Variants in SCUBE3 observed in about 807,000 individuals in gnomAD.
SCUBE3 encodes the protein signal peptide, CUB domain and EGF like domain containing 3.
Under a neutral mutation model 116.8 loss-of-function variants are expected in SCUBE3, and 33 were observed. That is an observed-to-expected ratio of 0.28 (90% CI 0.21 to 0.38). The LOEUF is 0.38. Ranked by LOEUF, SCUBE3 falls within the 10% of genes least tolerant of loss-of-function variation. SCUBE3 has a pLI of 1.00. For synonymous variants in SCUBE3, 418 were observed against 496.9 expected, an observed-to-expected ratio of 0.84 and a Z score of 2.11; for missense variants, 1,007 against 1,324.8, an observed-to-expected ratio of 0.76 and a Z score of 3.72.
rs1049831216 is a variant in SCUBE3 at position 35,240,519 on chromosome 6, AC to A, written c.1069+32del. The A allele has an allele frequency of 8.2e-7, 1 of 1,218,268 alleles. No individual in the cohort carries two copies. The highest frequency in any genetic ancestry group is 1.2e-6 in the Non-Finnish European group (1 of 839,884). 75.5% of individuals were successfully genotyped at this position (1,218,268 alleles called of 1,614,324 possible). A position where few individuals can be genotyped will look rare whatever the true frequency, so the allele number is the denominator to read the frequency against. On this transcript the variant is annotated intron_variant, in intron 9 of 21. Coordinates refer to ENST00000274938, the MANE Select transcript of SCUBE3 (RefSeq NM_152753.4). The surrounding 1 kb of genome is among the most constrained non-coding windows in gnomAD (Gnocchi z 4.6). Reference sequence around the variant, plus strand: ...AGCTAGTAAGCTTGCACCCCCAGCCACCCTGGCCCCCTCACCTCTTCACCCT... The same window carrying A: ...AGCTAGTAAGCTTGCACCCCCAGCCACCTGGCCCCCTCACCTCTTCACCCT...
rs150348460 is a variant in SCUBE3, at chr6:35,220,659, T to C, written c.85+6156T>C. On this transcript the variant is annotated intron_variant, in intron 1 of 21. Transcript: ENST00000274938. ...GAGAGAAACTCATCAGGGTCCCCAG[T>C]AAGTGACAAGCTTCTGAGGTTCAGA... 3 of 152,334 alleles carry C rather than the reference T, an allele frequency of 2.0e-5. No individual in the cohort carries two copies. The East Asian group carries it at 5.8e-4, about 29-fold the overall frequency. 9.4% of individuals were successfully genotyped at this position (152,334 alleles called of 1,614,324 possible). A position where few individuals can be genotyped will look rare whatever the true frequency, so the allele number is the denominator to read the frequency against.
Position 35,245,442 on chromosome 6 carries a change from G to A in SCUBE3, c.2599+17G>A. ...GAAAGAACTGTGGGTGGCTTGCAGAGCTGGGCCAGGGAAGGGCAGTCCAAA... is the reference window on the plus strand; with the variant it reads ...GAAAGAACTGTGGGTGGCTTGCAGAACTGGGCCAGGGAAGGGCAGTCCAAA... On this transcript the variant is annotated intron_variant, in intron 19 of 21. Coordinates refer to ENST00000274938, the MANE Select transcript of SCUBE3 (RefSeq NM_152753.4). This position sits in a 1 kb window ranked among gnomAD's most constrained non-coding sequence, Gnocchi z 4.2. 1 of 1,610,214 alleles carries A rather than the reference G, an allele frequency of 6.2e-7. No homozygotes were observed. The highest frequency in any genetic ancestry group is 8.5e-7 in the Non-Finnish European group (1 of 1,176,450).
chr6:35,233,253 G>A lies in SCUBE3; in HGVS notation c.664G>A (p.Gly222Ser), dbSNP rs774301906. 1.2e-5 allele frequency: 19 copies of A among 1,613,384 alleles called. 1 individual carries two copies. Among genetic ancestry groups the A allele is most frequent in the South Asian group, 7.7e-5 (7 of 91,052 alleles). Residue 222 changes from glycine (G) to serine (S), a missense_variant, in exon 6 of 22, where the codon GGC becomes AGC. Around this residue, in one of 5 missense-constraint regions of SCUBE3, gnomAD observed 214 missense variants for 316.7 expected, o/e 0.68. Transcript: ENST00000274938. The surrounding 1 kb of genome is among the most constrained non-coding windows in gnomAD (Gnocchi z 5.7). ...CDDTEQGPRC[G>S]CHIKFVLHTD... ...TGACACAGAGCAGGGTCCCCGGTGCGGCTGCCATATCAAGTTTGTGCTCCA... is the reference window on the plus strand; with the variant it reads ...TGACACAGAGCAGGGTCCCCGGTGCAGCTGCCATATCAAGTTTGTGCTCCA...
rs997867622 is a variant in SCUBE3, at chr6:35,245,483, G to A, written c.2599+58G>A. 12 of 1,410,722 alleles carry A rather than the reference G, an allele frequency of 8.5e-6. No individual in the cohort carries two copies. The highest frequency in any genetic ancestry group is 1.2e-5 in the Non-Finnish European group (12 of 996,158). 87.4% of individuals were successfully genotyped at this position (1,410,722 alleles called of 1,614,324 possible). On this transcript the variant is annotated intron_variant, in intron 19 of 21. Coordinates refer to ENST00000274938, the MANE Select transcript of SCUBE3 (RefSeq NM_152753.4). The surrounding 1 kb of genome is among the most constrained non-coding windows in gnomAD (Gnocchi z 4.2). ...GCAGTCCAAATCTGGTTAAGGCGGA[G>A]AACAAAGAGAGAGACTGATACAGGA...
chr6:35,247,749 A>C (rs569047965), intron 21 of SCUBE3, among the ~76,000 whole-genome samples: 29 of 152,330 alleles, frequency 1.9e-4, no homozygotes, highest in African/African-American at 6.3e-4. Context: ...TATTTGAAAA[A>C]TCCACTGACG....
intron 6 of SCUBE3, 57 bp from the exon 7 acceptor site, chr6:35,237,845 T>C (rs1336076332): frequency 3.7e-6 from 4 of 1,078,728 alleles, no homozygotes; most frequent in Non-Finnish European, 5.6e-6. Flanking sequence ...CCCTCAGAGT[T>C]TGGGACTCCT....
rs567578924 is a variant in SCUBE3 at position 35,219,530 on chromosome 6, G to C, written c.85+5027G>C. The stretch of plus-strand genomic sequence containing the variant: ...AACCATAGCCCTAGAGAGCTGTGGG[G>C]TTTGGATTTCTGAGCCTACACCAGG... On this transcript the variant is annotated intron_variant, in intron 1 of 21. Coordinates refer to ENST00000274938, the MANE Select transcript of SCUBE3 (RefSeq NM_152753.4). The surrounding 1 kb of genome is among the most constrained non-coding windows in gnomAD (Gnocchi z 4.7). 6.6e-6 allele frequency among the ~76,000 whole-genome samples: 1 copy of C among 152,224 alleles called. No individual in the cohort carries two copies. The highest frequency in any genetic ancestry group is 2.1e-4 in the South Asian group (1 of 4,820).
Position 35,214,548 on chromosome 6 carries a change from G to A in SCUBE3, c.85+45G>A. 8.0e-7 allele frequency: 1 copy of A among 1,250,616 alleles called. No homozygotes were observed. The highest frequency in any genetic ancestry group is 1.1e-6 in the Non-Finnish European group (1 of 933,530). 77.5% of individuals were successfully genotyped at this position (1,250,616 alleles called of 1,614,324 possible). On this transcript the variant is annotated intron_variant, in intron 1 of 21. Coordinates refer to ENST00000274938, the MANE Select transcript of SCUBE3 (RefSeq NM_152753.4). The surrounding 1 kb of genome is among the most constrained non-coding windows in gnomAD (Gnocchi z 6.3). ...CGGCCTGGGGGCTGTCCTGGCTGCTGGGCCTCAGGGCCTAGGAGCGATTCC... is the reference window on the plus strand; with the variant it reads ...CGGCCTGGGGGCTGTCCTGGCTGCTAGGCCTCAGGGCCTAGGAGCGATTCC...
rs531693355 is a variant in SCUBE3 at position 35,244,934 on chromosome 6, C to G, written c.2401+123C>G. ...GGGGTGGAGGAGCAGGAAAACTCCA[C>G]CTTCCACCTCTCCCCAACTCACTCA... On this transcript the variant is annotated intron_variant, in intron 18 of 21. Transcript: ENST00000274938. This position sits in a 1 kb window ranked among gnomAD's most constrained non-coding sequence, Gnocchi z 4.3. 3.2e-6 allele frequency: 3 copies of G among 947,184 alleles called. No individual in the cohort carries two copies. The East Asian group carries it at 7.3e-5, about 23-fold the overall frequency. 58.7% of individuals were successfully genotyped at this position (947,184 alleles called of 1,614,324 possible).
chr6:35,238,111 C>T, intron 7 of SCUBE3, 93 bp downstream of exon 7: 1 of 655,522 alleles, frequency 1.5e-6, no homozygotes, highest in Non-Finnish European at 2.8e-6. Context: ...GATGACACCT[C>T]CTCAACCTCC....
chr6:35,220,097 T>C (rs892843698), intron 1 of SCUBE3, among the ~76,000 whole-genome samples: 1 of 152,228 alleles, frequency 6.6e-6, no homozygotes, highest in Non-Finnish European at 1.5e-5. Flanking sequence ...CACGGTTATA[T>C]ACTGGATGCA....
chr6:35,224,470 A>G (rs1783244002), intron 1 of SCUBE3: 1 of 152,058 alleles, frequency 6.6e-6, no homozygotes, highest in Non-Finnish European at 1.5e-5. Flanking sequence ...TCTATTAATA[A>G]TACAAAAATT....
At position 35,241,221 on chromosome 6, in the gene SCUBE3, C is replaced by G; in HGVS notation, c.1150C>G (p.Pro384Ala). The G allele has an allele frequency of 6.2e-7, 1 of 1,604,706 alleles. No individual in the cohort carries two copies. The highest frequency in any genetic ancestry group is 8.5e-7 in the Non-Finnish European group (1 of 1,172,250). Residue 384 changes from proline to alanine, a missense_variant, in exon 10 of 22, where the codon CCA becomes GCA. Pro to Ala is a conservative substitution (Grantham distance 27, BLOSUM62 -1). Around this residue, in one of 5 missense-constraint regions of SCUBE3, gnomAD observed 544 missense variants for 638.9 expected, o/e 0.85. Transcript: ENST00000274938. This position sits in a 1 kb window ranked among gnomAD's most constrained non-coding sequence, Gnocchi z 4.1. The stretch of plus-strand genomic sequence containing the variant: ...TCCTGGCAGCTACCAGTGTACCTGC[C>G]CAGCAGGCCAGGGTCGGCTGCACTG... The part of the protein sequence containing the change: ...NTPGSYQCTC[P>A]AGQGRLHWNG...
chr6:35,230,636 A>G (rs1783507248), intron 3 of SCUBE3, among the ~76,000 whole-genome samples: 2 of 152,202 alleles, frequency 1.3e-5, no homozygotes, highest in African/African-American at 4.8e-5. Flanking sequence ...ACAGCAAAAG[A>G]CAGGGTAGAG....
intron 6 of SCUBE3, among the ~76,000 whole-genome samples, chr6:35,234,302 G>A (rs1357199577): frequency 6.6e-6 from 1 of 152,132 alleles, no homozygotes; most frequent in Non-Finnish European, 1.5e-5. Context: ...GAGGATGGGG[G>A]TGTGTGAATC....
At position 35,249,570 on chromosome 6, in the gene SCUBE3, C is replaced by T. The variant is rs1486404591; in HGVS notation, c.*865C>T. On this transcript the variant is annotated 3_prime_UTR_variant, in exon 22 of 22. Transcript: ENST00000274938. ...AACAATTGGAAGTCAACTTCAAACA[C>T]TAATCCCTTTTCTTGTCTTCCCTGG... 6.6e-6 allele frequency: 1 copy of T among 152,352 alleles called. No individual in the cohort carries two copies. Among genetic ancestry groups the T allele is most frequent in the Non-Finnish European group, 1.5e-5 (1 of 68,122 alleles). The allele number at this position is 152,352 out of a possible 1,614,324, so 9.4% of individuals were successfully genotyped here. A position where few individuals can be genotyped will look rare whatever the true frequency, so the allele number is the denominator to read the frequency against.
At chr6:35,229,159 A>G (rs1411894080) in intron 3 of SCUBE3, among the ~76,000 whole-genome samples, 1 of 152,226 alleles carries the variant, frequency 6.6e-6, no homozygotes, top group African/African-American at 2.4e-5. Flanking sequence ...CTGTAATCCC[A>G]GCACTTTGGG....
At position 35,232,843 on chromosome 6, in the gene SCUBE3, C is replaced by T. The variant is rs769803586; in HGVS notation, c.470-7C>T. The stretch of plus-strand genomic sequence containing the variant: ...CAGAGCATTCACACCCCTTTCTTCT[C>T]TTTTAGAAGGAATGAATTGCATGAA... On this transcript the variant is annotated splice_polypyrimidine_tract_variant and splice_region_variant and intron_variant, in intron 4 of 21. Coordinates refer to ENST00000274938, the MANE Select transcript of SCUBE3 (RefSeq NM_152753.4). This position sits in a 1 kb window ranked among gnomAD's most constrained non-coding sequence, Gnocchi z 4.2. The T allele has an allele frequency of 6.2e-6, 10 of 1,613,996 alleles. No homozygotes were observed. In the South Asian group the frequency reaches 9.9e-5, roughly 16 times the overall value.
At position 35,249,689 on chromosome 6, in the gene SCUBE3, C is replaced by A. The variant is rs1174745251; in HGVS notation, c.*984C>A. On this transcript the variant is annotated 3_prime_UTR_variant, in exon 22 of 22. Coordinates refer to ENST00000274938, the MANE Select transcript of SCUBE3 (RefSeq NM_152753.4). ...CTTAAACATGGTTATTGACCTGAAG[C>A]CAGCCTAGGCCTTGCCCTACAGTTG... The A allele has an allele frequency of 6.6e-6, 1 of 152,632 alleles. No homozygotes were observed. Among genetic ancestry groups the A allele is most frequent in the African/African-American group, 2.4e-5 (1 of 41,464 alleles). The allele number at this position is 152,632 out of a possible 1,614,324, so 9.5% of individuals were successfully genotyped here.
Sources: gnomAD v4.1 joint callset for allele counts (sites outside exome capture counted in the v4.1 genomes callset) on GRCh38, gnomAD v4.1.1 for gene constraint, gnomAD v4.1.1 regional missense constraint, Gnocchi (gnomAD v3.1) non-coding constraint, MANE v1.5 for transcripts, NCBI Gene and HGNC (gene_info 2026-07-23, HGNC 2026-07-21) for gene names.